The following TLN2 variants were observed in gnomAD, a reference collection of about 807,000 sequenced individuals.
TLN2 encodes the protein talin-2.
Under a neutral mutation model 294.7 loss-of-function variants are expected in TLN2, and 118 were observed. The observed-to-expected ratio is 0.40, with a 90% CI of 0.34 to 0.47. The LOEUF (loss-of-function observed/expected upper bound fraction) is 0.47. Ranked by LOEUF, TLN2 falls within the 20% of genes least tolerant of loss-of-function variation. The pLI, the probability that TLN2 is intolerant of heterozygous loss-of-function variation, is 0.84. For missense variants in TLN2, 3,083 were observed against 3,282.2 expected, an observed-to-expected ratio of 0.94 and a Z score of 1.48; for synonymous variants, 1,431 against 1,304.5, an observed-to-expected ratio of 1.10 and a Z score of -2.09.
chr15:62,709,958 C>T (rs1208012165), intron 21 of TLN2, among the ~76,000 whole-genome samples: 1 of 152,164 alleles, frequency 6.6e-6, no homozygotes, highest in East Asian at 1.9e-4. Flanking sequence ...TGGTCTCGAA[C>T]TCCTGACCTC....
chr15:62,411,687 G>A (rs911541377), intron 1 of TLN2, among the ~76,000 whole-genome samples: 1 of 152,112 alleles, frequency 6.6e-6, no homozygotes, highest in East Asian at 1.9e-4. Context: ...GATGCCTTTA[G>A]TCTTCTCTCC....
intron 1 of TLN2, among the ~76,000 whole-genome samples, chr15:62,518,151 G>C (rs2040276205): frequency 6.6e-6 from 1 of 151,916 alleles, no homozygotes; most frequent in African/African-American, 2.4e-5. Context: ...CGATTCTCCT[G>C]TCTCAGCCTC....
chr15:62,640,989 A>G (rs1206662842), intron 3 of TLN2, among the ~76,000 whole-genome samples: 1 of 151,762 alleles, frequency 6.6e-6, no homozygotes, highest in Non-Finnish European at 1.5e-5. Flanking sequence ...TTTGGTAGAG[A>G]TGGGATTTCA....
intron 26 of TLN2, among the ~76,000 whole-genome samples, chr15:62,722,793 G>A (rs991432765): frequency 6.6e-6 from 1 of 152,118 alleles, no homozygotes; most frequent in Admixed American, 6.5e-5. Flanking sequence ...AAGTCTTAGG[G>A]GAGAATGGTA....
intron 1 of TLN2, among the ~76,000 whole-genome samples, chr15:62,405,561 TG>T (rs1367548620): frequency 1.3e-5 from 2 of 152,220 alleles, no homozygotes; most frequent in Admixed American, 6.5e-5. Context: ...ATTTTCCCAA[TG>T]TGTTTTGTCC....
intron 1 of TLN2, among the ~76,000 whole-genome samples, chr15:62,450,510 C>A (rs559439794): frequency 6.9e-6 from 1 of 144,140 alleles, no homozygotes; most frequent in Non-Finnish European, 1.5e-5. Flanking sequence ...TGGCCCCCAT[C>A]GTGTATGTAT....
chr15:62,574,718 AT>A (rs1332475076), intron 1 of TLN2, among the ~76,000 whole-genome samples: 4 of 150,186 alleles, frequency 2.7e-5, no homozygotes, highest in Admixed American at 2.0e-4. Context: ...GTTTGCATAA[AT>A]TTTTCTATTT....
chr15:62,792,836 CAG>C (rs1489757311), intron 46 of TLN2, 49 bp downstream of exon 46: 1 of 1,604,858 alleles, frequency 6.2e-7, no homozygotes, highest in African/African-American at 1.3e-5. Context: ...CGCTGGCTCT[CAG>C]TGATCCGCTG....
intron 1 of TLN2, among the ~76,000 whole-genome samples, chr15:62,451,559 A>G (rs2036152565): frequency 6.6e-6 from 1 of 152,208 alleles, no homozygotes; most frequent in South Asian, 2.1e-4. Context: ...CAGGAGGCGG[A>G]GGCAGGAGGA....
chr15:62,452,690 C>A (rs577509929), intron 1 of TLN2, among the ~76,000 whole-genome samples: 6 of 152,238 alleles, frequency 3.9e-5, no homozygotes, highest in Admixed American at 3.9e-4. Context: ...GGAATCATAC[C>A]GCATTTGTTT....
chr15:62,501,528 C>T (rs1045016470), intron 1 of TLN2, among the ~76,000 whole-genome samples: 1 of 152,170 alleles, frequency 6.6e-6, no homozygotes, highest in African/African-American at 2.4e-5. Flanking sequence ...CCCGGGAAAA[C>T]GTTAATTCCT....
intron 1 of TLN2, among the ~76,000 whole-genome samples, chr15:62,584,423 C>G (rs1325590796): frequency 1.3e-5 from 2 of 152,210 alleles, no homozygotes; most frequent in African/African-American, 4.8e-5. Flanking sequence ...ACTCTTTTCT[C>G]TTTGTCCTGC....
At chr15:62,439,807 G>T (rs976675109) in intron 1 of TLN2, among the ~76,000 whole-genome samples, 2 of 152,202 alleles carry the variant, frequency 1.3e-5, no homozygotes, top group Non-Finnish European at 2.9e-5. Flanking sequence ...CTTCATTCCA[G>T]TGAGCTTACA....
chr15:62,823,465 A>G lies in TLN2; in HGVS notation c.7002+2855A>G, dbSNP rs976304769. The stretch of plus-strand genomic sequence containing the variant: ...ATCCTCAGGGTACTGTCAGTAAACA[A>G]TTGCTTATTACATCCCTATAACCCT... On this transcript the variant is annotated intron_variant, in intron 54 of 58. Transcript: ENST00000636159. 2.0e-5 allele frequency among the ~76,000 whole-genome samples: 3 copies of G among 152,312 alleles called. 1 individual carries two copies. The highest frequency in any genetic ancestry group is 4.1e-4 in the South Asian group (2 of 4,824).
intron 25 of TLN2, 47 bp from the exon 26 acceptor site, chr15:62,722,306 C>T: frequency 6.4e-7 from 1 of 1,572,558 alleles, no homozygotes; most frequent in Admixed American, 1.7e-5. Flanking sequence ...TCCTCTCTAC[C>T]TCTTGCTGCC....
intron 1 of TLN2, among the ~76,000 whole-genome samples, chr15:62,562,700 AC>A (rs1387445602): frequency 6.6e-6 from 1 of 151,644 alleles, no homozygotes; most frequent in Non-Finnish European, 1.5e-5. Context: ...CCCACTTCCC[AC>A]CCTTTCCCCT....
intron 1 of TLN2, among the ~76,000 whole-genome samples, chr15:62,588,894 T>C (rs1364688136): frequency 6.6e-6 from 1 of 151,204 alleles, no homozygotes; most frequent in Admixed American, 6.6e-5. Context: ...TGAGTACTGG[T>C]ACTCATTTGC....
At chr15:62,660,782 A>G (rs2140968799) in intron 9 of TLN2, among the ~76,000 whole-genome samples, 1 of 152,344 alleles carries the variant, frequency 6.6e-6, no homozygotes, top group East Asian at 1.9e-4. Flanking sequence ...GGTACAGGGA[A>G]GATACAAGGG....
intron 28 of TLN2, among the ~76,000 whole-genome samples, chr15:62,732,563 T>C (rs2060788325): frequency 2.0e-5 from 3 of 152,226 alleles, no homozygotes. Context: ...AACATGTTTT[T>C]CATCTGTGGA....
Sources: gnomAD v4.1 joint callset for allele counts (sites outside exome capture counted in the v4.1 genomes callset) on GRCh38, gnomAD v4.1.1 for gene constraint, MANE v1.5 for transcripts, NCBI Gene and HGNC (gene_info 2026-07-23, HGNC 2026-07-21) for gene names.